The following DTX1 variants were observed in gnomAD, a reference collection of about 807,000 sequenced individuals.
DTX1 encodes the protein deltex E3 ubiquitin ligase 1, also known as E3 ubiquitin-protein ligase DTX1.
A neutral mutation model predicts 57.8 loss-of-function variants in DTX1; 26 were observed. The ratio of observed to expected loss-of-function variants is 0.45; its 90% CI spans 0.33 to 0.62. DTX1 has a LOEUF of 0.62. DTX1 is among the 20% of genes least tolerant of loss of function. DTX1 has a pLI of 0.02. For synonymous variants in DTX1, 398 were observed against 394.1 expected (o/e 1.01, Z -0.12); for missense variants, 704 against 895.3 (o/e 0.79, Z 2.73).
chr12:113,094,126 G>T, intron 6 of DTX1, 27 bp downstream of exon 6: 1 of 964,912 alleles, frequency 1.0e-6, no homozygotes, highest in Non-Finnish European at 1.6e-6. Context: ...GGGGCTGGGG[G>T]AGGGCCCTGG....
At chr12:113,067,715 G>T (rs1441846487) in intron 2 of DTX1, among the ~76,000 whole-genome samples, 1 of 152,204 alleles carries the variant, frequency 6.6e-6, no homozygotes, top group African/African-American at 2.4e-5. Flanking sequence ...CTGAAATCTG[G>T]ACTGGTGTGA....
intron 2 of DTX1, among the ~76,000 whole-genome samples, chr12:113,062,596 G>T (rs2044673120): frequency 6.6e-6 from 1 of 152,208 alleles, no homozygotes; most frequent in Admixed American, 6.5e-5. Flanking sequence ...GACCGTGCTG[G>T]TGCCACAGGA....
At chr12:113,076,728 G>A (rs781510694) in intron 2 of DTX1, among the ~76,000 whole-genome samples, 109 of 152,362 alleles carry the variant, frequency 7.2e-4, no homozygotes, top group Non-Finnish European at 1.1e-3. Context: ...CTAGGGCATG[G>A]ATAAGTGAAT....
intron 3 of DTX1, among the ~76,000 whole-genome samples, chr12:113,079,124 CT>C (rs2044796625): frequency 6.6e-6 from 1 of 152,024 alleles, no homozygotes; most frequent in African/African-American, 2.4e-5. Context: ...CTACCCTGGA[CT>C]CCAGATTCAG....
intron 3 of DTX1, among the ~76,000 whole-genome samples, chr12:113,085,411 T>C (rs971417743): frequency 6.6e-6 from 1 of 152,188 alleles, no homozygotes; most frequent in African/African-American, 2.4e-5. Context: ...TTGTACAACA[T>C]TGCCAAGCTG....
Position 113,090,292 on chromosome 12 carries a change from T to C in DTX1, c.942-2870T>C, listed in dbSNP as rs189174398. Among the ~76,000 whole-genome samples the C allele has an allele frequency of 2.6e-3, 391 of 152,132 alleles. 3 individuals carry two copies. Among genetic ancestry groups the C allele is most frequent in the African/African-American group, 8.9e-3 (368 of 41,468 alleles). On this transcript the variant is annotated intron_variant, in intron 3 of 9. Transcript: ENST00000548759. The stretch of plus-strand genomic sequence containing the variant: ...GCCTCTATGCATTCCTATAAAAGTA[T>C]AGAGAGGGAGGAAGTTAGAGTGGTG...
chr12:113,077,652 C>CGCGCCG lies in DTX1; in HGVS notation c.495_500dup (p.Arg167_Arg168dup). On this transcript the variant is annotated inframe_insertion, in exon 3 of 10. Transcript: ENST00000548759. The surrounding 1 kb of genome is among the most constrained non-coding windows in gnomAD (Gnocchi z 7.8). Reference sequence around the variant, plus strand: ...AGCATGTCGCAGATGAACCGCCAGACGCGCCGGCGCCGCCGCCTGCGCCGC... The same window carrying CGCGCCG: ...AGCATGTCGCAGATGAACCGCCAGACGCGCCGGCGCCGGCGCCGCCGCCTGCGCCGC... 1.3e-6 allele frequency: 2 copies of CGCGCCG among 1,592,656 alleles called. No individual in the cohort carries two copies. Among genetic ancestry groups the CGCGCCG allele is most frequent in the Non-Finnish European group, 1.7e-6 (2 of 1,172,196 alleles).
Position 113,077,701 on chromosome 12 carries a change from C to T in DTX1, c.537C>T (p.Leu179=). Residue 179 remains leucine, a synonymous_variant, in exon 3 of 10, where the codon CTC becomes CTT. Coordinates refer to ENST00000548759, the MANE Select transcript of DTX1 (RefSeq NM_004416.3). This position sits in a 1 kb window ranked among gnomAD's most constrained non-coding sequence, Gnocchi z 7.8. Reference sequence around the variant, plus strand: ...GCCGCCTGGACCTCGCCTACCCGCTCACCGTGGGCTCCATCCCTAAGTCGC... The same window carrying T: ...GCCGCCTGGACCTCGCCTACCCGCTTACCGTGGGCTCCATCCCTAAGTCGC... ...LRRRLDLAYP[L]TVGSIPKSQS... is the part of the protein sequence containing the mutation. 1 of 1,546,410 alleles carries T rather than the reference C, an allele frequency of 6.5e-7. No homozygotes were observed. The highest frequency in any genetic ancestry group is 1.2e-5 in the South Asian group (1 of 85,268).
intron 3 of DTX1, among the ~76,000 whole-genome samples, chr12:113,079,624 T>C (rs2136060452): frequency 6.8e-6 from 1 of 146,484 alleles, no homozygotes; most frequent in African/African-American, 2.6e-5. Flanking sequence ...GCCTCCAGGG[T>C]TCAAGTGATT....
intron 2 of DTX1, among the ~76,000 whole-genome samples, chr12:113,059,685 G>A (rs916244381): frequency 2.0e-5 from 3 of 152,144 alleles, no homozygotes; most frequent in Non-Finnish European, 4.4e-5. Flanking sequence ...AGCTGATGGG[G>A]TTTGGGGAAG....
At chr12:113,074,634 C>T (rs954814488) in intron 2 of DTX1, among the ~76,000 whole-genome samples, 4 of 152,256 alleles carry the variant, frequency 2.6e-5, no homozygotes, top group African/African-American at 9.6e-5. Flanking sequence ...AAGATGTGAT[C>T]TGACTTGCAT....
At chr12:113,066,527 CAA>C (rs76083573) in intron 2 of DTX1, among the ~76,000 whole-genome samples, 3 of 120,402 alleles carry the variant, frequency 2.5e-5, no homozygotes, top group Non-Finnish European at 5.4e-5. Flanking sequence ...GACTCCGTCT[CAA>C]AAAAAAAAAA....
At chr12:113,061,591 G>C (rs1039856789) in intron 2 of DTX1, among the ~76,000 whole-genome samples, 1 of 152,208 alleles carries the variant, frequency 6.6e-6, no homozygotes, top group Admixed American at 6.5e-5. Context: ...GTTGAACAGA[G>C]AGAATCTGGC....
chr12:113,086,017 C>T (rs2044854195), intron 3 of DTX1, among the ~76,000 whole-genome samples: 1 of 152,148 alleles, frequency 6.6e-6, no homozygotes, highest in South Asian at 2.1e-4. Flanking sequence ...CCTGTAATCC[C>T]AGCACTTTGG....
intron 8 of DTX1, 40 bp downstream of exon 8, chr12:113,095,243 ACCC>A (rs1159053898): frequency 4.4e-6 from 7 of 1,600,548 alleles, no homozygotes; most frequent in Non-Finnish European, 6.0e-6. Context: ...CAGCCCCCAC[ACCC>A]CTCCAACTCC....
intron 3 of DTX1, among the ~76,000 whole-genome samples, chr12:113,084,010 A>G (rs1207354628): frequency 2.6e-5 from 4 of 152,222 alleles, no homozygotes; most frequent in Admixed American, 2.0e-4. Context: ...GAGATCTTCA[A>G]TGTCATTCTC....
chr12:113,058,032 A>G lies in DTX1; in HGVS notation c.-161A>G, dbSNP rs2044640804. ...CTGGATGGCCATCCCACATTCCTTT[A>G]ACGGAGGTCTCTAGGCCTCAGAGAG... On this transcript the variant is annotated 5_prime_UTR_variant, in exon 2 of 10. Transcript: ENST00000548759. The G allele has an allele frequency of 8.3e-7, 1 of 1,200,716 alleles. No individual in the cohort carries two copies. Among genetic ancestry groups the G allele is most frequent in the Non-Finnish European group, 1.1e-6 (1 of 887,268 alleles). The allele number at this position is 1,200,716 out of a possible 1,614,324, so 74.4% of individuals were successfully genotyped here. A position where few individuals can be genotyped will look rare whatever the true frequency, so the allele number is the denominator to read the frequency against.
intron 6 of DTX1, 49 bp from the exon 7 acceptor site, chr12:113,094,740 A>G (rs746249802): frequency 1.3e-6 from 2 of 1,588,988 alleles, no homozygotes; most frequent in East Asian, 2.3e-5. Context: ...CTGACCCAGT[A>G]GGTGCCCTGC....
Position 113,058,207 on chromosome 12 carries a change from C to T in DTX1, c.15C>T (p.Gly5=), listed in dbSNP as rs1398441840. 1 of 1,606,288 alleles carries T rather than the reference C, an allele frequency of 6.2e-7. No individual in the cohort carries two copies. The highest frequency in any genetic ancestry group is 1.1e-5 in the South Asian group (1 of 90,592). The change falls in exon 2 of 10, where the codon GGC becomes GGT. Residue 5 remains glycine (G), a synonymous_variant. Transcript: ENST00000548759. The part of the protein sequence containing the change: MSRP[G]HGGLMPVNGL... ...CAGTGGCGGCCATGTCACGGCCAGGCCACGGTGGGCTGATGCCTGTGAATG... is the reference window on the plus strand; with the variant it reads ...CAGTGGCGGCCATGTCACGGCCAGGTCACGGTGGGCTGATGCCTGTGAATG...
Sources: gnomAD v4.1 joint callset for allele counts (sites outside exome capture counted in the v4.1 genomes callset) on GRCh38, gnomAD v4.1.1 for gene constraint, Gnocchi (gnomAD v3.1) non-coding constraint, MANE v1.5 for transcripts, NCBI Gene and HGNC (gene_info 2026-07-23, HGNC 2026-07-21) for gene names.